ATRX: variants seen among roughly 807,000 people sequenced by gnomAD.
The protein encoded by ATRX is chromatin remodeler ATRX.
ATRX carries 12 observed loss-of-function variants against 172.6 expected under a neutral mutation model. That is an observed-to-expected ratio of 0.07 (90% confidence interval 0.04 to 0.11). The LOEUF is 0.11. ATRX is among the 10% of genes least tolerant of loss of function. The pLI, the probability that ATRX is intolerant of heterozygous loss-of-function variation, is 1.00. For synonymous variants in ATRX, 674 were observed against 594.7 expected (o/e 1.13, Z -1.94); for missense variants, 1,368 against 1,767.4 (o/e 0.77, Z 4.05).
chrX:77,758,991 CTAA>C (rs2075617451), intron 1 of ATRX, among the ~76,000 whole-genome samples: 2 of 111,480 alleles, frequency 1.8e-5, no homozygotes, highest in South Asian at 7.5e-4. Context: ...CAGCTGCCTA[CTAA>C]TAAGATACAT....
At chrX:77,566,421 T>C (rs1175976303) in intron 28 of ATRX, among the ~76,000 whole-genome samples, 2 of 111,901 alleles carry the variant, frequency 1.8e-5, no homozygotes, top group Non-Finnish European at 3.8e-5. Context: ...CATTCAAGAA[T>C]GAAGGGGAAA....
chrX:77,676,447 T>A, intron 9 of ATRX, 149 bp from the exon 10 acceptor site: 1 of 419,927 alleles, frequency 2.4e-6, no homozygotes, highest in Non-Finnish European at 4.2e-6. Flanking sequence ...AGCATTCTTA[T>A]AGAAAACATA....
intron 30 of ATRX, among the ~76,000 whole-genome samples, chrX:77,551,859 A>G (rs951548056): frequency 2.4e-4 from 27 of 112,476 alleles, no homozygotes; most frequent in Non-Finnish European, 4.5e-4. Context: ...GCCAACAGAC[A>G]CATGAAAAAA....
chrX:77,641,696 C>T (rs1235020965), intron 15 of ATRX, among the ~76,000 whole-genome samples: 1 of 109,571 alleles, frequency 9.1e-6, no homozygotes, highest in Non-Finnish European at 1.9e-5. Flanking sequence ...AATTATAGTA[C>T]ACTGTAATTC....
intron 30 of ATRX, among the ~76,000 whole-genome samples, chrX:77,532,734 C>A: frequency 9.0e-6 from 1 of 111,613 alleles, no homozygotes; most frequent in East Asian, 2.8e-4. Context: ...TAGGCATGGG[C>A]AAAGATTTCA....
In ATRX at chrX:77,684,321, G is replaced by A. The variant is rs781943063; in HGVS notation, c.935C>T (p.Thr312Ile). 1.7e-6 allele frequency: 2 copies of A among 1,208,405 alleles called. No individual in the cohort carries two copies. Among genetic ancestry groups the A allele is most frequent in the Non-Finnish European group, 2.2e-6 (2 of 892,669 alleles). Residue 312 changes from threonine to isoleucine, a missense_variant, in exon 9 of 35, where the codon ACA (threonine) becomes ATA (isoleucine). Coordinates refer to ENST00000373344, the MANE Select transcript of ATRX (RefSeq NM_000489.6). ...AGTCTTCTTTGGAGAAAATCTGGATGTATGTTCATATACTTTATTACTCTT... is the reference window on the plus strand; with the variant it reads ...AGTCTTCTTTGGAGAAAATCTGGATATATGTTCATATACTTTATTACTCTT... ...SEKSNKVYEH[T>I]SRFSPKKTSS...
rs2148621479 is a variant in ATRX at position 77,683,771 on chromosome X, T to A, written c.1485A>T (p.Lys495Asn). The A allele has an allele frequency of 1.7e-6, 2 of 1,210,385 alleles. No homozygotes were observed. Among genetic ancestry groups the A allele is most frequent in the African/African-American group, 3.5e-5 (2 of 57,799 alleles). ...ATTGAGGTTCTTCTTTTCTATCAGA[T>A]TTCTTATGTTCACCACCGGTACTTT... ...TNKSTGGEHK[K>N]SDRKEEPQYE... Residue 495 changes from lysine (K) to asparagine (N), a missense_variant, in exon 9 of 35, where the codon AAA becomes AAT. By Grantham distance (94) the Lys-to-Asn change is moderately conservative. This residue lies in a region of ATRX where 843 missense variants were observed against 643.1 expected (regional missense o/e 1.31). Transcript: ENST00000373344.
chrX:77,550,704 TATCTAGAAA>T lies in ATRX; in HGVS notation c.6699+6738_6699+6746del, dbSNP rs1178084655. 2.7e-5 allele frequency among the ~76,000 whole-genome samples: 3 copies of T among 111,450 alleles called. No individual in the cohort carries two copies. The Admixed American group carries it at 2.9e-4, about 11-fold the overall frequency. On this transcript the variant is annotated intron_variant, in intron 30 of 34. Transcript: ENST00000373344. ...CCTGTTTGCAGATGACATGACTGTA[TATCTAGAAA>T]ACCCCATTGTCTCAGCCCAAAATCT...
chrX:77,785,895 C>T, intron 1 of ATRX, 87 bp downstream of exon 1: 1 of 1,123,881 alleles, frequency 8.9e-7, no homozygotes, highest in African/African-American at 1.9e-5. Flanking sequence ...AGGCCTAACC[C>T]ACCAAGCGAA....
chrX:77,592,925 TAAAG>T (rs1329528604), intron 26 of ATRX, among the ~76,000 whole-genome samples: 24 of 107,704 alleles, frequency 2.2e-4, no homozygotes, highest in Non-Finnish European at 1.2e-4. Flanking sequence ...GAATAAATGA[TAAAG>T]AAAGAATAAT....
chrX:77,638,340 G>A (rs181558190), intron 15 of ATRX, among the ~76,000 whole-genome samples: 1 of 112,669 alleles, frequency 8.9e-6, no homozygotes, highest in African/African-American at 3.2e-5. Flanking sequence ...AAGCGCAGTG[G>A]CGCGCGCCTA....
intron 10 of ATRX, among the ~76,000 whole-genome samples, chrX:77,670,258 A>G (rs1314000437): frequency 3.6e-5 from 4 of 112,205 alleles, no homozygotes; most frequent in Non-Finnish European, 7.5e-5. Context: ...CTTAATTTAC[A>G]GAATTATAAA....
chrX:77,559,728 A>G lies in ATRX; in HGVS notation c.6327-882T>C, dbSNP rs1195486349. 5.4e-5 allele frequency among the ~76,000 whole-genome samples: 6 copies of G among 110,390 alleles called. No homozygotes were observed. The East Asian group carries it at 1.7e-3, about 31-fold the overall frequency. On this transcript the variant is annotated intron_variant, in intron 28 of 34. Transcript: ENST00000373344. ...CACCTCGGCCTCCCAAAGTGCTGGG[A>G]TTACAGACATGTGCTACCATGCCTG...
chrX:77,610,195 C>A (rs191269456), intron 22 of ATRX, among the ~76,000 whole-genome samples: 1 of 111,407 alleles, frequency 9.0e-6, no homozygotes, highest in African/African-American at 3.3e-5. Flanking sequence ...ATAGTTTTAC[C>A]CCTTCCATGA....
Position 77,522,290 on chromosome X carries a change from C to G in ATRX, c.6948G>C (p.Leu2316=), listed in dbSNP as rs2147748547. 1 of 1,210,692 alleles carries G rather than the reference C, an allele frequency of 8.3e-7. No individual in the cohort carries two copies. The highest frequency in any genetic ancestry group is 2.3e-4 in the Middle Eastern group (1 of 4,349). ...CCAGCTGTTGATTACTCATTGCTGA[C>G]AGGGCTCCCAAATTGAAAGGAATAT... ...TPYIPFNLGA[L]SAMSNQQLED... Residue 2316 remains leucine (L), a synonymous_variant, in exon 32 of 35, where the codon CTG becomes CTC. Transcript: ENST00000373344.
chrX:77,522,208 G>A (rs1293526255), intron 32 of ATRX, 55 bp downstream of exon 32: 31 of 1,200,432 alleles, frequency 2.6e-5, no homozygotes, highest in Non-Finnish European at 2.9e-5. Flanking sequence ...CAACAACAAG[G>A]CACTTGAAAT....
intron 7 of ATRX, among the ~76,000 whole-genome samples, chrX:77,686,004 C>T (rs1173172913): frequency 9.0e-6 from 1 of 111,140 alleles, no homozygotes; most frequent in African/African-American, 3.3e-5. Flanking sequence ...CAATTGAACT[C>T]ATGGATGAAC....
intron 1 of ATRX, among the ~76,000 whole-genome samples, chrX:77,739,615 C>T (rs2074764432): frequency 9.1e-6 from 1 of 110,465 alleles, no homozygotes; most frequent in South Asian, 3.7e-4. Context: ...ATTCTTAAAA[C>T]ATCCAATTGA....
chrX:77,769,278 T>C (rs998869088), intron 1 of ATRX, among the ~76,000 whole-genome samples: 1 of 107,973 alleles, frequency 9.3e-6, no homozygotes, highest in African/African-American at 3.5e-5. Context: ...CTGTTTTTTG[T>C]TTGTTTTTTT....
Sources: gnomAD v4.1 joint callset for allele counts (sites outside exome capture counted in the v4.1 genomes callset) on GRCh38, gnomAD v4.1.1 for gene constraint, gnomAD v4.1.1 regional missense constraint, MANE v1.5 for transcripts, NCBI Gene and HGNC (gene_info 2026-07-23, HGNC 2026-07-21) for gene names.